The following DACH1 variants were observed in gnomAD, a reference collection of about 807,000 sequenced individuals.
DACH1 encodes dachshund homolog 1.
A neutral mutation model predicts 54.2 loss-of-function variants in DACH1; 12 were observed. That is an observed-to-expected ratio of 0.22 (90% confidence interval 0.14 to 0.36). The LOEUF (loss-of-function observed/expected upper bound fraction) is 0.36, where lower values mean the gene tolerates loss of function less well. Among genes scored for constraint, DACH1 ranks in the 10% least tolerant of loss-of-function variants. DACH1 has a pLI of 1.00. For synonymous variants in DACH1, 386 were observed against 366.2 expected (o/e 1.05, Z -0.62); for missense variants, 805 against 929.8 (o/e 0.87, Z 1.75).
At chr13:71,557,838 G>A (rs1884347374) in intron 5 of DACH1, among the ~76,000 whole-genome samples, 1 of 132,896 alleles carries the variant, frequency 7.5e-6, no homozygotes, top group Admixed American at 7.8e-5. Context: ...TAAATGGCCT[G>A]TACTAAAAAA....
At chr13:71,662,083 A>G (rs1440862407) in intron 2 of DACH1, among the ~76,000 whole-genome samples, 1 of 152,086 alleles carries the variant, frequency 6.6e-6, no homozygotes, top group African/African-American at 2.4e-5. Flanking sequence ...CCACAAATGG[A>G]CACAATACTG....
chr13:71,498,630 G>C (rs1246301511), intron 6 of DACH1, among the ~76,000 whole-genome samples: 2 of 145,964 alleles, frequency 1.4e-5, no homozygotes, highest in Non-Finnish European at 3.0e-5. Flanking sequence ...ATTCTGTTTA[G>C]ATGATGTGAG....
At chr13:71,530,624 C>G (rs1882352228) in intron 6 of DACH1, among the ~76,000 whole-genome samples, 1 of 152,058 alleles carries the variant, frequency 6.6e-6, no homozygotes, top group African/African-American at 2.4e-5. Flanking sequence ...AGTTTCACAT[C>G]TCATTTCTCT....
chr13:71,862,202 T>A (rs1874405991), intron 1 of DACH1, among the ~76,000 whole-genome samples: 2 of 151,928 alleles, frequency 1.3e-5, no homozygotes. Context: ...CTTACAACAA[T>A]GAAAGAAATG....
chr13:71,540,095 A>G (rs996786706), intron 6 of DACH1, among the ~76,000 whole-genome samples: 29 of 151,954 alleles, frequency 1.9e-4, no homozygotes, highest in African/African-American at 6.8e-4. Context: ...TATTTATAAT[A>G]TAAATTCACT....
chr13:71,839,935 C>G (rs1888950924), intron 1 of DACH1, among the ~76,000 whole-genome samples: 1 of 151,894 alleles, frequency 6.6e-6, no homozygotes, highest in Admixed American at 6.6e-5. Context: ...CCCACTAAAG[C>G]CGTATTTATT....
intron 6 of DACH1, among the ~76,000 whole-genome samples, chr13:71,539,275 T>C (rs898692300): frequency 1.3e-5 from 2 of 152,096 alleles, no homozygotes; most frequent in Non-Finnish European, 2.9e-5. Context: ...GTGATATTCA[T>C]TGATGGGTGC....
intron 10 of DACH1, among the ~76,000 whole-genome samples, chr13:71,470,348 G>C (rs918919603): frequency 4.8e-5 from 7 of 144,742 alleles, no homozygotes; most frequent in African/African-American, 1.8e-4. Context: ...TCGCACTGTT[G>C]CCCGGGCTGG....
intron 6 of DACH1, among the ~76,000 whole-genome samples, chr13:71,502,404 T>C (rs2138235951): frequency 6.6e-6 from 1 of 152,314 alleles, no homozygotes; most frequent in East Asian, 1.9e-4. Flanking sequence ...AGGTAGCTTA[T>C]GCAGAATATC....
chr13:71,716,819 T>C (rs1021124062), intron 1 of DACH1, among the ~76,000 whole-genome samples: 7 of 152,162 alleles, frequency 4.6e-5, no homozygotes, highest in African/African-American at 1.7e-4. Context: ...TGAATTATTT[T>C]TTGAATTTAA....
intron 1 of DACH1, among the ~76,000 whole-genome samples, chr13:71,814,767 GCATGTGTTGTCA>G (rs1327385936): frequency 6.6e-6 from 1 of 152,202 alleles, no homozygotes; most frequent in African/African-American, 2.4e-5. Flanking sequence ...TCAGGATAAT[GCATGTGTTGTCA>G]CATTACTTGA....
rs759665320 is a variant in DACH1 at position 71,865,871 on chromosome 13, C to T, written c.848+51G>A. 21 of 1,496,652 alleles carry T rather than the reference C, an allele frequency of 1.4e-5. No homozygotes were observed. The Admixed American group carries it at 3.8e-4, about 27-fold the overall frequency. The allele number at this position is 1,496,652 out of a possible 1,614,324, so 92.7% of individuals were successfully genotyped here. A position where few individuals can be genotyped will look rare whatever the true frequency, so the allele number is the denominator to read the frequency against. On this transcript the variant is annotated intron_variant, in intron 1 of 10. Transcript: ENST00000613252. ...CGGGAAAGGAGCGAGGGCAGGCGAGCAGGCTGGTGGGAAGGGGCGCGGGCG... is the reference window on the plus strand; with the variant it reads ...CGGGAAAGGAGCGAGGGCAGGCGAGTAGGCTGGTGGGAAGGGGCGCGGGCG...
intron 1 of DACH1, among the ~76,000 whole-genome samples, chr13:71,762,694 G>C (rs867515747): frequency 4.0e-4 from 60 of 148,386 alleles, no homozygotes; most frequent in Middle Eastern, 3.6e-3. Flanking sequence ...TTGAACCCAG[G>C]AGGCGGAGAT....
At chr13:71,453,352 T>G (rs1440538448) in intron 10 of DACH1, among the ~76,000 whole-genome samples, 1 of 152,056 alleles carries the variant, frequency 6.6e-6, no homozygotes, top group African/African-American at 2.4e-5. Context: ...AGAAGAAAAA[T>G]GATTTCTTGT....
At position 71,790,425 on chromosome 13, in the gene DACH1, A is replaced by AACATGACTCTTTTGATG. The variant is rs1458056786; in HGVS notation, c.848+75480_848+75496dup. Reference sequence around the variant, plus strand: ...TGACGCTTAAGAAAAACGAGAAGTCAACATGACTCTTTTGATGACTTGACT... The same window carrying AACATGACTCTTTTGATG: ...TGACGCTTAAGAAAAACGAGAAGTCAACATGACTCTTTTGATGACATGACTCTTTTGATGACTTGACT... On this transcript the variant is annotated intron_variant, in intron 1 of 10. Coordinates refer to ENST00000613252, the MANE Select transcript of DACH1 (RefSeq NM_080759.6). Among the ~76,000 whole-genome samples the AACATGACTCTTTTGATG allele has an allele frequency of 9.8e-5, 15 of 152,304 alleles. 1 individual carries two copies. The South Asian group carries it at 2.9e-3, about 29-fold the overall frequency.
intron 1 of DACH1, among the ~76,000 whole-genome samples, chr13:71,728,520 A>G (rs1036744785): frequency 4.6e-5 from 7 of 152,054 alleles, no homozygotes; most frequent in African/African-American, 1.2e-4. Flanking sequence ...GTATTCAGCA[A>G]TAAAAATAAT....
rs142338219 is a variant in DACH1, at chr13:71,777,098, T to C, written c.848+88824A>G. ...AATATATTTCACTGTTTTGCCCCCA[T>C]GGTTTACAACAATCACCCTCTTGTT... On this transcript the variant is annotated intron_variant, in intron 1 of 10. Coordinates refer to ENST00000613252, the MANE Select transcript of DACH1 (RefSeq NM_080759.6). Among the ~76,000 whole-genome samples the C allele has an allele frequency of 4.6e-5, 7 of 152,328 alleles. No individual in the cohort carries two copies. In the East Asian group the frequency reaches 1.4e-3, roughly 29 times the overall value.
At chr13:71,843,865 T>G (rs1451639124) in intron 1 of DACH1, among the ~76,000 whole-genome samples, 1 of 152,224 alleles carries the variant, frequency 6.6e-6, no homozygotes, top group Non-Finnish European at 1.5e-5. Context: ...CAGGCAGCTT[T>G]GCCCATTGCT....
chr13:71,775,418 TAA>T (rs1886027686), intron 1 of DACH1, among the ~76,000 whole-genome samples: 1 of 152,108 alleles, frequency 6.6e-6, no homozygotes, highest in Non-Finnish European at 1.5e-5. Flanking sequence ...TATAAATTTT[TAA>T]AAGATAATGG....
Sources: allele counts gnomAD v4.1 joint callset (sites outside exome capture counted in the v4.1 genomes callset), GRCh38; gene constraint gnomAD v4.1.1; transcripts MANE v1.5; gene names NCBI Gene and HGNC (gene_info 2026-07-23, HGNC 2026-07-21).